Variants in SYNJ2 observed in about 807,000 individuals in gnomAD.
SYNJ2 encodes the protein polyphosphatidylinositol phosphatase SYNJ2.
SYNJ2 carries 116 observed loss-of-function variants against 141.3 expected under a neutral mutation model. The observed-to-expected ratio is 0.82, with a 90% CI of 0.71 to 0.96. The LOEUF is 0.96. Ranked by LOEUF, SYNJ2 falls within the 40% of genes least tolerant of loss-of-function variation. SYNJ2 has a pLI of 0.00. For missense variants in SYNJ2, 1,873 were observed against 1,934.8 expected (o/e 0.97, Z 0.60); for synonymous variants, 745 against 777.7 (o/e 0.96, Z 0.70).
In SYNJ2 at chr6:157,989,757, C is replaced by T. The variant is rs1409173477; in HGVS notation, c.127+7669C>T. On this transcript the variant is annotated intron_variant, in intron 1 of 26. Transcript: ENST00000355585. Reference sequence around the variant, plus strand: ...CCCAGTGCAAAGGATGCTACAAGGCCCCAGGCTTCTCAAGGAACATGAGGC... The same window carrying T: ...CCCAGTGCAAAGGATGCTACAAGGCTCCAGGCTTCTCAAGGAACATGAGGC... Among the ~76,000 whole-genome samples the T allele has an allele frequency of 2.0e-5, 3 of 152,204 alleles. No individual in the cohort carries two copies. The East Asian group carries it at 5.8e-4, about 29-fold the overall frequency.
At chr6:158,056,435 T>C (rs925369951) in intron 6 of SYNJ2, among the ~76,000 whole-genome samples, 3 of 152,210 alleles carry the variant, frequency 2.0e-5, no homozygotes, top group African/African-American at 7.2e-5. Flanking sequence ...AGGCAGCTAC[T>C]GTGTCCAGGA....
chr6:158,026,818 A>G (rs1428507351), intron 2 of SYNJ2: 1 of 985,052 alleles, frequency 1.0e-6, no homozygotes, highest in Non-Finnish European at 1.2e-6. Context: ...TTTTCCCTGC[A>G]CTGTGTCAGA....
In SYNJ2 at chr6:158,043,240, C is replaced by G. The variant is rs546550550; in HGVS notation, c.712-76C>G. Reference sequence around the variant, plus strand: ...TGGCTGGTGTCGGGTCACAGGTGGCCGGATCCCGTTACCCAGCCCAGGACG... The same window carrying G: ...TGGCTGGTGTCGGGTCACAGGTGGCGGGATCCCGTTACCCAGCCCAGGACG... On this transcript the variant is annotated intron_variant, in intron 4 of 26. Transcript: ENST00000355585. The surrounding 1 kb of genome is among the most constrained non-coding windows in gnomAD (Gnocchi z 4.0). 7.5e-7 allele frequency: 1 copy of G among 1,335,094 alleles called. No individual in the cohort carries two copies. Among genetic ancestry groups the G allele is most frequent in the South Asian group, 1.2e-5 (1 of 81,610 alleles). The allele number at this position is 1,335,094 out of a possible 1,614,324, so 82.7% of individuals were successfully genotyped here.
intron 12 of SYNJ2, chr6:158,067,807 G>A (rs1286333505): frequency 1.4e-5 from 14 of 985,130 alleles, no homozygotes; most frequent in East Asian, 1.1e-4. Context: ...TCTCTGTGTC[G>A]GTGGTAGCCT....
chr6:158,089,170 G>C (rs1783271916), intron 24 of SYNJ2, among the ~76,000 whole-genome samples: 1 of 152,160 alleles, frequency 6.6e-6, no homozygotes, highest in African/African-American at 2.4e-5. Context: ...GCTAAAAAGA[G>C]ATGTAAATAA....
intron 12 of SYNJ2, chr6:158,067,774 C>T (rs1487391419): frequency 1.0e-6 from 1 of 985,082 alleles, no homozygotes; most frequent in Non-Finnish European, 1.2e-6. Context: ...GTGGCAGAGT[C>T]CACCATTCAG....
At chr6:158,087,877 T>TC (rs201488569) in intron 23 of SYNJ2, among the ~76,000 whole-genome samples, 14 of 140,376 alleles carry the variant, frequency 1.0e-4, no homozygotes, top group African/African-American at 3.5e-4. Context: ...ACATACTTCT[T>TC]TTTTTTTTTT....
intron 4 of SYNJ2, among the ~76,000 whole-genome samples, chr6:158,039,563 G>A (rs1779824020): frequency 6.6e-6 from 1 of 152,260 alleles, no homozygotes; most frequent in African/African-American, 2.4e-5. Context: ...ACAACTGAGG[G>A]CCTGGGTTGG....
At position 158,095,793 on chromosome 6, in the gene SYNJ2, C is replaced by T; in HGVS notation, c.3920C>T (p.Ala1307Val). 1 of 1,614,230 alleles carries T rather than the reference C, an allele frequency of 6.2e-7. No homozygotes were observed. Among genetic ancestry groups the T allele is most frequent in the Non-Finnish European group, 8.5e-7 (1 of 1,180,040 alleles). Residue 1307 changes from alanine to valine, a missense_variant, in exon 27 of 27, where the codon GCA (alanine) becomes GTA (valine). Coordinates refer to ENST00000355585, the MANE Select transcript of SYNJ2 (RefSeq NM_003898.4). ...GAGAGGCCAAGCCACAGGAAGCCAG[C>T]ATCAGACGAAGCCCCTCCTGGGGCA... The part of the protein sequence containing the change: ...AAERPSHRKP[A>V]SDEAPPGAGA...
chr6:158,069,493 C>T, intron 13 of SYNJ2, 40 bp from the exon 14 acceptor site: 1 of 1,589,744 alleles, frequency 6.3e-7, no homozygotes, highest in Non-Finnish European at 8.6e-7. Flanking sequence ...GATGTACTTC[C>T]AGCTACCTGT....
chr6:158,000,773 T>TG (rs1777818812), intron 1 of SYNJ2, among the ~76,000 whole-genome samples: 1 of 151,638 alleles, frequency 6.6e-6, no homozygotes, highest in African/African-American at 2.4e-5. Flanking sequence ...CAGCACGCAC[T>TG]CCCCCCAAGC....
At chr6:158,012,358 A>T (rs1413637597) in intron 1 of SYNJ2, among the ~76,000 whole-genome samples, 2 of 152,226 alleles carry the variant, frequency 1.3e-5, no homozygotes, top group Non-Finnish European at 2.9e-5. Flanking sequence ...GGATGAGTCC[A>T]TCGCACTCAC....
At chr6:158,063,216 T>C (rs1366770197) in intron 8 of SYNJ2, among the ~76,000 whole-genome samples, 1 of 152,166 alleles carries the variant, frequency 6.6e-6, no homozygotes, top group Non-Finnish European at 1.5e-5. Flanking sequence ...AGAACATAAT[T>C]GCTATAAATA....
intron 26 of SYNJ2, among the ~76,000 whole-genome samples, chr6:158,094,976 C>T (rs1051643446): frequency 3.9e-5 from 6 of 152,078 alleles, no homozygotes; most frequent in Non-Finnish European, 7.4e-5. Context: ...GGTGAAACCC[C>T]GTCTCTACTA....
chr6:158,033,729 A>T (rs1046693095), intron 4 of SYNJ2, 49 bp downstream of exon 4: 1 of 1,561,814 alleles, frequency 6.4e-7, no homozygotes, highest in African/African-American at 1.3e-5. Flanking sequence ...GAGTGGCTGC[A>T]GCTCTTGCAC....
chr6:158,071,618 A>T lies in SYNJ2; in HGVS notation c.1957A>T (p.Thr653Ser), dbSNP rs901594228. Residue 653 changes from threonine to serine, a missense_variant, in exon 15 of 27, where the codon ACA (threonine) becomes TCA (serine). Transcript: ENST00000355585. This position sits in a 1 kb window ranked among gnomAD's most constrained non-coding sequence, Gnocchi z 4.3. ...CTGTTCCAGGGACGTAGCCATCGAC[A>T]CAGTGAAGACGGGCATGGGGGGCAA... Reference protein sequence around the residue: ...VPFIRDVAIDTVKTGMGGKAG... With the variant: ...VPFIRDVAIDSVKTGMGGKAG... 3.1e-6 allele frequency: 5 copies of T among 1,613,878 alleles called. No homozygotes were observed. The highest frequency in any genetic ancestry group is 1.3e-5 in the African/African-American group (1 of 74,926).
At chr6:158,076,065 G>A (rs371634721) in intron 16 of SYNJ2, among the ~76,000 whole-genome samples, 3 of 152,180 alleles carry the variant, frequency 2.0e-5, no homozygotes, top group Non-Finnish European at 4.4e-5. Flanking sequence ...GTGCGTGCCT[G>A]TAGTCCCAGC....
At chr6:158,050,567 C>G (rs1485624889) in intron 5 of SYNJ2, among the ~76,000 whole-genome samples, 3 of 152,204 alleles carry the variant, frequency 2.0e-5, no homozygotes, top group Non-Finnish European at 4.4e-5. Context: ...GAATGCTTGT[C>G]TAAGTCCAGG....
In SYNJ2 at chr6:158,096,842, G is replaced by A. The variant is rs1232908321; in HGVS notation, c.*478G>A. The stretch of plus-strand genomic sequence containing the variant: ...CGTTGTGACCATTAGTAGCTGTCCT[G>A]GCCCACTTAAACAAGGTTACAAAAA... On this transcript the variant is annotated 3_prime_UTR_variant, in exon 27 of 27. Transcript: ENST00000355585. The A allele has an allele frequency of 6.4e-6, 1 of 155,676 alleles. No homozygotes were observed. Among genetic ancestry groups the A allele is most frequent in the Non-Finnish European group, 1.4e-5 (1 of 70,340 alleles). The allele number at this position is 155,676 out of a possible 1,614,324, so 9.6% of individuals were successfully genotyped here. A position where few individuals can be genotyped will look rare whatever the true frequency, so the allele number is the denominator to read the frequency against.
Sources: gnomAD v4.1 joint callset for allele counts (sites outside exome capture counted in the v4.1 genomes callset) on GRCh38, gnomAD v4.1.1 for gene constraint, Gnocchi (gnomAD v3.1) non-coding constraint, MANE v1.5 for transcripts, NCBI Gene and HGNC (gene_info 2026-07-23, HGNC 2026-07-21) for gene names.